SLC39A8: variants seen among roughly 807,000 people sequenced by gnomAD.
SLC39A8 encodes metal cation symporter ZIP8.
A neutral mutation model predicts 40.4 loss-of-function variants in SLC39A8; 15 were observed. The observed-to-expected ratio is 0.37, with a 90% CI of 0.25 to 0.57. The LOEUF (loss-of-function observed/expected upper bound fraction) is 0.57. Among genes scored for constraint, SLC39A8 ranks in the 20% least tolerant of loss-of-function variants. SLC39A8 has a pLI of 0.75. For synonymous variants in SLC39A8, 223 were observed against 221.6 expected (o/e 1.01, Z -0.06); for missense variants, 472 against 558.8 (o/e 0.84, Z 1.57).
intron 6 of SLC39A8, among the ~76,000 whole-genome samples, chr4:102,275,765 C>T (rs574613915): frequency 9.2e-5 from 14 of 152,194 alleles, no homozygotes; most frequent in South Asian, 2.1e-4. Context: ...TGCAGAAGAA[C>T]GGAAATCATA....
intron 11 of SLC39A8, among the ~76,000 whole-genome samples, chr4:102,255,758 A>G (rs569479105): frequency 6.6e-6 from 1 of 152,184 alleles, no homozygotes; most frequent in Non-Finnish European, 1.5e-5. Flanking sequence ...TACTCCAAAC[A>G]TATCCAGCAA....
chr4:102,300,676 A>T (rs1236032641), intron 6 of SLC39A8, among the ~76,000 whole-genome samples: 1 of 151,994 alleles, frequency 6.6e-6, no homozygotes, highest in Non-Finnish European at 1.5e-5. Context: ...GACAGCCGGG[A>T]TTGTCAACAA....
chr4:102,277,183 A>G (rs548635340), intron 6 of SLC39A8, among the ~76,000 whole-genome samples: 43 of 152,284 alleles, frequency 2.8e-4, no homozygotes, highest in African/African-American at 8.9e-4. Context: ...CAAATAGGAA[A>G]AGAGGTAGTC....
At chr4:102,305,498 T>G (rs1038205849) in intron 4 of SLC39A8, among the ~76,000 whole-genome samples, 2 of 152,016 alleles carry the variant, frequency 1.3e-5, no homozygotes, top group African/African-American at 4.8e-5. Context: ...GATTACCTAC[T>G]GTCTCTAAAA....
intron 2 of SLC39A8, among the ~76,000 whole-genome samples, chr4:102,325,662 T>C (rs1471964675): frequency 6.6e-6 from 1 of 152,214 alleles, no homozygotes; most frequent in Non-Finnish European, 1.5e-5. Flanking sequence ...GGTAAAATTA[T>C]GTGTGGTTTT....
intron 6 of SLC39A8, among the ~76,000 whole-genome samples, chr4:102,283,340 C>A (rs1352664680): frequency 1.3e-5 from 2 of 152,150 alleles, no homozygotes; most frequent in Non-Finnish European, 2.9e-5. Context: ...AATAAGAGGT[C>A]AAGATACTGC....
chr4:102,302,020 G>T (rs1733946161), intron 6 of SLC39A8, among the ~76,000 whole-genome samples: 1 of 151,948 alleles, frequency 6.6e-6, no homozygotes, highest in Non-Finnish European at 1.5e-5. Context: ...TGAGTTTCTA[G>T]TATGGTCAAG....
chr4:102,314,483 G>A (rs13118152), intron 3 of SLC39A8, among the ~76,000 whole-genome samples: 26,965 of 151,864 alleles, frequency 0.18, 2,645 homozygotes, highest in Non-Finnish European at 0.21. Context: ...ACCACCTCCC[G>A]CAAGGCTTCC....
intron 6 of SLC39A8, among the ~76,000 whole-genome samples, chr4:102,278,964 G>C (rs1030614964): frequency 6.6e-6 from 1 of 151,954 alleles, no homozygotes; most frequent in African/African-American, 2.4e-5. Context: ...ACGGGCACAG[G>C]GAGGGAAACA....
downstream of SLC39A8, chr4:102,259,387 A>G: frequency 9.0e-7 from 1 of 1,110,810 alleles, no homozygotes; most frequent in South Asian, 1.4e-5. Flanking sequence ...TGCAGAAGGA[A>G]TTAAGCCATT....
chr4:102,281,659 G>A (rs892165262), intron 6 of SLC39A8, among the ~76,000 whole-genome samples: 13 of 152,072 alleles, frequency 8.5e-5, no homozygotes, highest in Non-Finnish European at 1.6e-4. Context: ...TAGGCAAGGT[G>A]CCAACAGAGA....
In SLC39A8 at chr4:102,315,698, T is replaced by C. The variant is rs1734622877; in HGVS notation, c.352A>G (p.Lys118Glu). 7 of 1,612,664 alleles carry C rather than the reference T, an allele frequency of 4.3e-6. No homozygotes were observed. The highest frequency in any genetic ancestry group is 5.1e-6 in the Non-Finnish European group (6 of 1,179,230). ...LNFHPCEDRP[K>E]HKTRPSHSEV... ...GAATGACTTGGTCTTGTTTTGTGCT[T>C]GGGCCGATCCTCACATGGGTGAAAG... The change falls in exon 3 of 9, where the codon AAG becomes GAG. Residue 118 changes from lysine to glutamate, a missense_variant. This residue lies in a region of SLC39A8 where 175 missense variants were observed against 160.5 expected (regional missense o/e 1.09). Transcript: ENST00000356736.
intron 6 of SLC39A8, among the ~76,000 whole-genome samples, chr4:102,268,281 T>C (rs1384328830): frequency 6.6e-6 from 1 of 152,158 alleles, no homozygotes; most frequent in Non-Finnish European, 1.5e-5. Flanking sequence ...CTGACACACC[T>C]CGAATAAGCC....
At position 102,344,774 on chromosome 4, in the gene SLC39A8, T is replaced by G. The variant is rs1229085385; in HGVS notation, c.-112A>C. On this transcript the variant is annotated 5_prime_UTR_variant, in exon 2 of 9. Transcript: ENST00000356736. Reference sequence around the variant, plus strand: ...CGGGAGCGTCAGTGCTCGGCGCTGCTCCGAGTCAGAGGTGGCGCGGGACGC... The same window carrying G: ...CGGGAGCGTCAGTGCTCGGCGCTGCGCCGAGTCAGAGGTGGCGCGGGACGC... 7.5e-7 allele frequency: 1 copy of G among 1,329,418 alleles called. No individual in the cohort carries two copies. The highest frequency in any genetic ancestry group is 1.5e-5 in the African/African-American group (1 of 64,714). 82.4% of individuals were successfully genotyped at this position (1,329,418 alleles called of 1,614,324 possible). A position where few individuals can be genotyped will look rare whatever the true frequency, so the allele number is the denominator to read the frequency against.
At chr4:102,337,248 AG>A (rs1041491035) in intron 2 of SLC39A8, among the ~76,000 whole-genome samples, 7 of 151,836 alleles carry the variant, frequency 4.6e-5, no homozygotes, top group East Asian at 1.9e-4. Flanking sequence ...AAAAAAAAAA[AG>A]AATCAAAAGT....
chr4:102,293,820 G>GA (rs1451836956), intron 6 of SLC39A8, among the ~76,000 whole-genome samples: 3 of 151,424 alleles, frequency 2.0e-5, no homozygotes, highest in Non-Finnish European at 4.4e-5. Flanking sequence ...AACTTTTAGT[G>GA]AAAAAACAAG....
chr4:102,323,815 T>C (rs1393228410), intron 2 of SLC39A8, among the ~76,000 whole-genome samples: 1 of 152,226 alleles, frequency 6.6e-6, no homozygotes, highest in Non-Finnish European at 1.5e-5. Flanking sequence ...CTGGCTGCTA[T>C]GTCTTGGTCC....
chr4:102,277,611 C>T (rs183499453), intron 6 of SLC39A8, among the ~76,000 whole-genome samples: 1 of 152,248 alleles, frequency 6.6e-6, no homozygotes, highest in East Asian at 1.9e-4. Flanking sequence ...CATTGACTTT[C>T]TTCAAAGAAT....
chr4:102,303,341 A>G (rs368617293), intron 6 of SLC39A8, among the ~76,000 whole-genome samples: 1 of 152,028 alleles, frequency 6.6e-6, no homozygotes, highest in East Asian at 1.9e-4. Context: ...CCTTGATACC[A>G]TTAAAGGGGC....
Sources: gnomAD v4.1 joint callset for allele counts (sites outside exome capture counted in the v4.1 genomes callset) on GRCh38, gnomAD v4.1.1 for gene constraint, gnomAD v4.1.1 regional missense constraint, MANE v1.5 for transcripts, NCBI Gene and HGNC (gene_info 2026-07-23, HGNC 2026-07-21) for gene names.